PAXIP1: variants seen among roughly 807,000 people sequenced by gnomAD.
PAXIP1 encodes PAX-interacting protein 1.
PAXIP1 carries 19 observed loss-of-function variants against 140.6 expected under a neutral mutation model. The ratio of observed to expected loss-of-function variants is 0.14; its 90% CI spans 0.09 to 0.20. The LOEUF (loss-of-function observed/expected upper bound fraction) is 0.20, where lower values mean the gene tolerates loss of function less well. Ranked by LOEUF, PAXIP1 falls within the 10% of genes least tolerant of loss-of-function variation. PAXIP1 has a pLI of 1.00. For missense variants in PAXIP1, 920 were observed against 1,208.6 expected (o/e 0.76, Z 3.54); for synonymous variants, 442 against 444.6 (o/e 0.99, Z 0.07).
chr7:154,988,382 CCT>C (rs1810169110), intron 4 of PAXIP1, among the ~76,000 whole-genome samples: 2 of 152,140 alleles, frequency 1.3e-5, no homozygotes, highest in South Asian at 2.1e-4. Context: ...ACCTGTGGCC[CCT>C]GAGTGGTCAT....
intron 20 of PAXIP1, chr7:154,945,153 T>G (rs1807895445): frequency 1.3e-5 from 2 of 152,122 alleles, no homozygotes; most frequent in Admixed American, 6.6e-5. Flanking sequence ...CAGCTAATTT[T>G]TTCTATTTTT....
chr7:154,960,799 C>A lies in PAXIP1; in HGVS notation c.2434+94G>T, dbSNP rs149564253. On this transcript the variant is annotated intron_variant, in intron 12 of 20. Coordinates refer to ENST00000404141, the MANE Select transcript of PAXIP1 (RefSeq NM_007349.4). ...TCAAAAACTAATTAGAAAGCTCAAG[C>A]CAGGCCTGGTAATTAGTATGAATAA... The A allele has an allele frequency of 1.2e-4, 103 of 882,104 alleles. No individual in the cohort carries two copies. In the African/African-American group the frequency reaches 1.3e-3, roughly 11 times the overall value. The allele number at this position is 882,104 out of a possible 1,614,324, so 54.6% of individuals were successfully genotyped here.
At position 154,960,967 on chromosome 7, in the gene PAXIP1, T is replaced by G; in HGVS notation, c.2360A>C (p.Gln787Pro). 1 of 1,604,828 alleles carries G rather than the reference T, an allele frequency of 6.2e-7. No individual in the cohort carries two copies. The highest frequency in any genetic ancestry group is 8.5e-7 in the Non-Finnish European group (1 of 1,175,284). The change falls in exon 12 of 21, where the codon CAG becomes CCG. Residue 787 changes from glutamine to proline, a missense_variant. Physicochemically the swap from Gln to Pro is moderately conservative, Grantham distance 76. Around this residue, in one of 5 missense-constraint regions of PAXIP1, gnomAD observed 303 missense variants for 517.9 expected, o/e 0.59. Transcript: ENST00000404141. ...LGNFEALRQI[Q>P]YSRYTAFSLQ... ...ACTGAATGCCGTGTAGCGACTATACTGAATCTGCCTCAGTGCCTCAAAGTT... is the reference window on the plus strand; with the variant it reads ...ACTGAATGCCGTGTAGCGACTATACGGAATCTGCCTCAGTGCCTCAAAGTT...
In PAXIP1 at chr7:154,960,833, T is replaced by C. The variant is rs565446220; in HGVS notation, c.2434+60A>G. On this transcript the variant is annotated intron_variant, in intron 12 of 20. Coordinates refer to ENST00000404141, the MANE Select transcript of PAXIP1 (RefSeq NM_007349.4). ...GTAATTAGTATGAATAAAAAGATGG[T>C]AGAAGTAATGCTAATGATTTTATTT... 6.7e-5 allele frequency: 81 copies of C among 1,208,592 alleles called. No homozygotes were observed. In the African/African-American group the frequency reaches 8.7e-4, roughly 13 times the overall value. 74.9% of individuals were successfully genotyped at this position (1,208,592 alleles called of 1,614,324 possible). A position where few individuals can be genotyped will look rare whatever the true frequency, so the allele number is the denominator to read the frequency against.
At chr7:154,945,497 A>C in intron 20 of PAXIP1, 2 of 985,114 alleles carry the variant, frequency 2.0e-6, no homozygotes, top group Non-Finnish European at 2.4e-6. Context: ...GATGGGTATC[A>C]TTCTGACCTC....
At chr7:154,944,200 G>T in intron 20 of PAXIP1, 36 bp from the exon 21 acceptor site, 1 of 1,582,132 alleles carries the variant, frequency 6.3e-7, no homozygotes, top group Non-Finnish European at 8.6e-7. Context: ...TCAAACACAA[G>T]GCAAAAGAAA....
rs747800895 is a variant in PAXIP1, at chr7:154,946,528, A to G, written c.3117T>C (p.Tyr1039=). 9.3e-6 allele frequency: 15 copies of G among 1,613,844 alleles called. No individual in the cohort carries two copies. ...GAAACGTACCTATGCCTCTGGCAAAATATTCTCGGCATAAATGAAGGTCAT... is the reference window on the plus strand; with the variant it reads ...GAAACGTACCTATGCCTCTGGCAAAGTATTCTCGGCATAAATGAAGGTCAT... The part of the protein sequence containing the change: ...CENDLHLCRE[Y]FARGIDVHNA... The change falls in exon 19 of 21, where the codon TAT becomes TAC. Residue 1039 remains tyrosine, a synonymous_variant. Transcript: ENST00000404141. This position sits in a 1 kb window ranked among gnomAD's most constrained non-coding sequence, Gnocchi z 4.9.
intron 1 of PAXIP1, 71 bp downstream of exon 1, chr7:155,002,778 A>G (rs1563397429): frequency 1.4e-6 from 1 of 721,454 alleles, no homozygotes; most frequent in Admixed American, 5.7e-5. Flanking sequence ...AGGAGCGGGG[A>G]CGGGGACGGG....
intron 9 of PAXIP1, chr7:154,962,770 AG>A (rs1270274743): frequency 5.4e-6 from 1 of 184,286 alleles, no homozygotes; most frequent in East Asian, 1.4e-4. Context: ...GTGCCCCATA[AG>A]GACAGAGGGC....
chr7:154,994,556 A>G (rs1283800355), intron 2 of PAXIP1, among the ~76,000 whole-genome samples: 1 of 152,206 alleles, frequency 6.6e-6, no homozygotes, highest in Non-Finnish European at 1.5e-5. Context: ...CTGGGGATGT[A>G]ACAATGAAAA....
intron 6 of PAXIP1, among the ~76,000 whole-genome samples, chr7:154,972,075 T>C (rs1185098948): frequency 6.6e-6 from 1 of 152,256 alleles, no homozygotes; most frequent in Non-Finnish European, 1.5e-5. Flanking sequence ...AGTGCAGAGA[T>C]GTGCCCAAAC....
chr7:154,996,596 G>A (rs745349107), intron 2 of PAXIP1, among the ~76,000 whole-genome samples: 16 of 152,228 alleles, frequency 1.1e-4, no homozygotes, highest in South Asian at 1.0e-3. Flanking sequence ...ACCTCACAGC[G>A]GCGACCCCAC....
chr7:154,993,312 G>A (rs752239375), intron 3 of PAXIP1, among the ~76,000 whole-genome samples: 15 of 152,142 alleles, frequency 9.9e-5, no homozygotes, highest in Non-Finnish European at 1.6e-4. Context: ...ATTAATAATC[G>A]TTCTACCCAA....
intron 5 of PAXIP1, among the ~76,000 whole-genome samples, chr7:154,980,820 T>C (rs796787959): frequency 1.3e-4 from 20 of 152,344 alleles, no homozygotes; most frequent in African/African-American, 4.8e-4. Flanking sequence ...TTTCTTTACA[T>C]GTGGGCATTA....
At position 154,973,259 on chromosome 7, in the gene PAXIP1, C is replaced by T. The variant is rs1409522643; in HGVS notation, c.1074+2437G>A. Among the ~76,000 whole-genome samples, 2 of 152,122 alleles carry T rather than the reference C, an allele frequency of 1.3e-5. No homozygotes were observed. Among genetic ancestry groups the T allele is most frequent in the Non-Finnish European group, 2.9e-5 (2 of 68,038 alleles). On this transcript the variant is annotated intron_variant, in intron 6 of 20. Transcript: ENST00000404141. The surrounding 1 kb of genome is among the most constrained non-coding windows in gnomAD (Gnocchi z 4.0). Reference sequence around the variant, plus strand: ...CATGGTCAGTGGCAGGCCTGTTTTCCTCCGGGACCCAACAAGGTGACATGG... The same window carrying T: ...CATGGTCAGTGGCAGGCCTGTTTTCTTCCGGGACCCAACAAGGTGACATGG...
In PAXIP1 at chr7:154,972,732, C is replaced by A. The variant is rs552036012; in HGVS notation, c.1074+2964G>T. Among the ~76,000 whole-genome samples, 4 of 152,322 alleles carry A rather than the reference C, an allele frequency of 2.6e-5. No individual in the cohort carries two copies. The South Asian group carries it at 8.3e-4, about 32-fold the overall frequency. ...AGAGAGATCTTTACGGCCCATATCT[C>A]GCATATCCCACTGCTGACAGGACAG... On this transcript the variant is annotated intron_variant, in intron 6 of 20. Transcript: ENST00000404141.
At chr7:154,975,166 A>G (rs1253855945) in intron 6 of PAXIP1, among the ~76,000 whole-genome samples, 1 of 151,744 alleles carries the variant, frequency 6.6e-6, no homozygotes, top group East Asian at 1.9e-4. Flanking sequence ...CAAAAAAAAA[A>G]AAAAAAACAA....
At position 154,946,658 on chromosome 7, in the gene PAXIP1, G is replaced by A. The variant is rs1408558268; in HGVS notation, c.3057+21C>T. ...GATACAGGGCAATGACGGACTCGCT[G>A]GCGGACTCCACTCTACCCACCGAGT... On this transcript the variant is annotated intron_variant, in intron 18 of 20. Coordinates refer to ENST00000404141, the MANE Select transcript of PAXIP1 (RefSeq NM_007349.4). The surrounding 1 kb of genome is among the most constrained non-coding windows in gnomAD (Gnocchi z 4.9). 1 of 1,613,548 alleles carries A rather than the reference G, an allele frequency of 6.2e-7. No homozygotes were observed. Among genetic ancestry groups the A allele is most frequent in the African/African-American group, 1.3e-5 (1 of 74,858 alleles).
intron 16 of PAXIP1, chr7:154,950,005 TTA>T (rs1195779142): frequency 1.3e-5 from 2 of 152,118 alleles, no homozygotes; most frequent in African/African-American, 4.8e-5. Flanking sequence ...TCAAACAGGG[TTA>T]TGTTACCTTA....
Sources: gnomAD v4.1 joint callset for allele counts (sites outside exome capture counted in the v4.1 genomes callset) on GRCh38, gnomAD v4.1.1 for gene constraint, gnomAD v4.1.1 regional missense constraint, Gnocchi (gnomAD v3.1) non-coding constraint, MANE v1.5 for transcripts, NCBI Gene and HGNC (gene_info 2026-07-23, HGNC 2026-07-21) for gene names.